The following RAD51B variants were observed in gnomAD, a reference collection of about 807,000 sequenced individuals.
RAD51B encodes the protein RAD51 paralog B, also known as DNA repair protein RAD51 homolog 2.
Under a neutral mutation model 42.2 loss-of-function variants are expected in RAD51B, and 38 were observed. The ratio of observed to expected loss-of-function variants is 0.90; its 90% CI spans 0.70 to 1.18. The LOEUF (loss-of-function observed/expected upper bound fraction) is 1.18, where lower values mean the gene tolerates loss of function less well. RAD51B is among the 50% of genes most tolerant of loss of function. The pLI is 0.00. For synonymous variants in RAD51B, 154 were observed against 145.2 expected (o/e 1.06, Z -0.43); for missense variants, 373 against 400.7 (o/e 0.93, Z 0.59).
chr14:68,430,195 G>T (rs1055430276), intron 9 of RAD51B, among the ~76,000 whole-genome samples: 14 of 152,098 alleles, frequency 9.2e-5, no homozygotes, highest in Non-Finnish European at 1.8e-4. Context: ...GCCTCCAGCT[G>T]TGTTCTTTTG....
At chr14:67,942,367 A>G (rs1329737059) in intron 7 of RAD51B, among the ~76,000 whole-genome samples, 2 of 152,334 alleles carry the variant, frequency 1.3e-5, no homozygotes, top group Middle Eastern at 3.4e-3. Context: ...ACAAATAAAC[A>G]TATCCTAGTC....
chr14:68,041,262 G>A (rs541129584), intron 7 of RAD51B, among the ~76,000 whole-genome samples: 1 of 152,282 alleles, frequency 6.6e-6, no homozygotes, highest in African/African-American at 2.4e-5. Flanking sequence ...TTAACAGCCT[G>A]TGGAACCGTG....
chr14:68,457,773 ATT>A (rs771439291), intron 9 of RAD51B, among the ~76,000 whole-genome samples: 4 of 106,732 alleles, frequency 3.7e-5, no homozygotes, highest in Non-Finnish European at 7.5e-5. Flanking sequence ...TAATTTTTGT[ATT>A]TTTTTTTTTT....
Position 68,409,731 on chromosome 14 carries a change from C to T in RAD51B, c.854-1693C>T, listed in dbSNP as rs2084369767. On this transcript the variant is annotated intron_variant, in intron 8 of 10. Coordinates refer to ENST00000471583, the MANE Select transcript of RAD51B (RefSeq NM_133510.4). ...AGATGCAGAGGCAGCTGACAAAGTG[C>T]TCAGAGTGCATTGTTTAGGAGATAG... Among the ~76,000 whole-genome samples, 3 of 152,146 alleles carry T rather than the reference C, an allele frequency of 2.0e-5. 1 individual carries two copies. The highest frequency in any genetic ancestry group is 7.2e-5 in the African/African-American group (3 of 41,430).
rs148503394 is a variant in RAD51B, at chr14:67,882,250, G to A, written c.453-3619G>A. ...GGCCTCCTAAAGTGTTGGGATTATA[G>A]GCATGAGCCACCATGCCCAGCCCAC... On this transcript the variant is annotated intron_variant, in intron 5 of 10. Coordinates refer to ENST00000471583, the MANE Select transcript of RAD51B (RefSeq NM_133510.4). Among the ~76,000 whole-genome samples, 279 of 152,266 alleles carry A rather than the reference G, an allele frequency of 1.8e-3. 2 individuals are homozygous for A. Among genetic ancestry groups the A allele is most frequent in the African/African-American group, 6.4e-3 (267 of 41,546 alleles).
intron 7 of RAD51B, among the ~76,000 whole-genome samples, chr14:67,961,277 A>C (rs1257817845): frequency 6.6e-6 from 1 of 152,164 alleles, no homozygotes; most frequent in Non-Finnish European, 1.5e-5. Context: ...AACTGTTGGG[A>C]TTACAGACAC....
At chr14:68,383,808 G>A (rs978588818) in intron 8 of RAD51B, among the ~76,000 whole-genome samples, 4 of 152,152 alleles carry the variant, frequency 2.6e-5, no homozygotes, top group African/African-American at 9.7e-5. Context: ...ATTTCCCCAG[G>A]CATCATTTGG....
At chr14:68,286,876 C>T (rs911263) in intron 7 of RAD51B, among the ~76,000 whole-genome samples, 88,166 of 152,114 alleles carry the variant, frequency 0.58, 29,288 homozygotes, top group East Asian at 0.88. Flanking sequence ...TCAGTTGGCT[C>T]AATCCTCTGA....
chr14:68,008,999 A>G (rs945743810), intron 7 of RAD51B, among the ~76,000 whole-genome samples: 3 of 151,944 alleles, frequency 2.0e-5, no homozygotes, highest in African/African-American at 7.2e-5. Flanking sequence ...GAAACCTATC[A>G]CTTTTACCTT....
chr14:68,106,494 T>G (rs1434277415), intron 7 of RAD51B, among the ~76,000 whole-genome samples: 4 of 151,936 alleles, frequency 2.6e-5, no homozygotes, highest in African/African-American at 9.7e-5. Context: ...TTTTCCATAT[T>G]CAACAATGTC....
Position 68,147,039 on chromosome 14 carries a change from G to A in RAD51B, c.757-144845G>A, listed in dbSNP as rs181918874. 5.9e-5 allele frequency among the ~76,000 whole-genome samples: 9 copies of A among 152,232 alleles called. No individual in the cohort carries two copies. The East Asian group carries it at 1.5e-3, about 26-fold the overall frequency. ...AGGAATTTGGCAAGCATTGAGACTC[G>A]CCACTTAGAACCACACTGAAATAGT... On this transcript the variant is annotated intron_variant, in intron 7 of 10. Coordinates refer to ENST00000471583, the MANE Select transcript of RAD51B (RefSeq NM_133510.4).
chr14:67,960,554 C>T (rs1168393470), intron 7 of RAD51B, among the ~76,000 whole-genome samples: 1 of 152,024 alleles, frequency 6.6e-6, no homozygotes, highest in Non-Finnish European at 1.5e-5. Context: ...AGCAGTTTAC[C>T]CACAGTGTAT....
chr14:68,296,996 T>C (rs374718085), intron 8 of RAD51B, among the ~76,000 whole-genome samples: 1 of 152,216 alleles, frequency 6.6e-6, no homozygotes, highest in Non-Finnish European at 1.5e-5. Flanking sequence ...TCTATTCTGG[T>C]TGGAGTCAGG....
chr14:68,180,966 G>A lies in RAD51B; in HGVS notation c.757-110918G>A, dbSNP rs372728302. 5.9e-5 allele frequency among the ~76,000 whole-genome samples: 9 copies of A among 152,332 alleles called. 1 individual carries two copies. Among genetic ancestry groups the A allele is most frequent in the African/African-American group, 2.2e-4 (9 of 41,576 alleles). ...TCATCACCTCCACATAGCAGGTGAG[G>A]GAAGGGAAGCAACAGCAGAGGCATT... is the stretch of plus-strand genomic sequence containing the variant. On this transcript the variant is annotated intron_variant, in intron 7 of 10. Coordinates refer to ENST00000471583, the MANE Select transcript of RAD51B (RefSeq NM_133510.4).
chr14:67,932,917 T>G (rs2044793726), intron 7 of RAD51B, among the ~76,000 whole-genome samples: 1 of 152,116 alleles, frequency 6.6e-6, no homozygotes, highest in Non-Finnish European at 1.5e-5. Context: ...CCCCTGGCAA[T>G]AGCAGCAGTG....
At chr14:67,995,335 C>T (rs1002442567) in intron 7 of RAD51B, among the ~76,000 whole-genome samples, 8 of 151,964 alleles carry the variant, frequency 5.3e-5, no homozygotes, top group Middle Eastern at 6.8e-3. Flanking sequence ...TGCAGTGAGC[C>T]GAGATCACGC....
At chr14:67,895,294 G>A (rs1037158534) in intron 7 of RAD51B, among the ~76,000 whole-genome samples, 1 of 152,216 alleles carries the variant, frequency 6.6e-6, no homozygotes, top group Non-Finnish European at 1.5e-5. Context: ...GGTTGTAGCT[G>A]AGTGGCAATC....
At chr14:68,511,877 AATTCATTC>A (rs58039012) in intron 10 of RAD51B, among the ~76,000 whole-genome samples, 6 of 152,026 alleles carry the variant, frequency 3.9e-5, no homozygotes, top group South Asian at 2.1e-4. Flanking sequence ...TTGATATTGT[AATTCATTC>A]ATTCATTCAT....
chr14:68,091,272 A>G (rs1024244474), intron 7 of RAD51B, among the ~76,000 whole-genome samples: 186 of 152,286 alleles, frequency 1.2e-3, no homozygotes, highest in African/African-American at 4.2e-3. Context: ...CTGAGGAACC[A>G]CCACACTGAC....
Sources: gnomAD v4.1 joint callset for allele counts (sites outside exome capture counted in the v4.1 genomes callset) on GRCh38, gnomAD v4.1.1 for gene constraint, MANE v1.5 for transcripts, NCBI Gene and HGNC (gene_info 2026-07-23, HGNC 2026-07-21) for gene names.